Variants in DMD observed in about 807,000 individuals in gnomAD.
The protein encoded by DMD is mutant dystrophin.
Under a neutral mutation model 330.1 loss-of-function variants are expected in DMD, and 63 were observed. The observed-to-expected ratio is 0.19, with a 90% CI of 0.16 to 0.24. The LOEUF is 0.24. Among genes scored for constraint, DMD ranks in the 10% least tolerant of loss-of-function variants. DMD has a pLI of 1.00. For missense variants in DMD, 3,344 were observed against 2,684.1 expected (o/e 1.25, Z -5.43); for synonymous variants, 1,223 against 959.8 (o/e 1.27, Z -5.07).
intron 60 of DMD, among the ~76,000 whole-genome samples, chrX:31,425,695 T>TACACACAC (rs58343053): frequency 3.0e-4 from 31 of 103,600 alleles, no homozygotes; most frequent in African/African-American, 1.0e-3. Context: ...CAGGCATGAG[T>TACACACAC]ACACACACAC....
chrX:32,559,396 A>G (rs2050741423), intron 16 of DMD, among the ~76,000 whole-genome samples: 1 of 112,126 alleles, frequency 8.9e-6, no homozygotes, highest in Admixed American at 9.5e-5. Context: ...CAGATTTTAA[A>G]AAATTATTTT....
At chrX:32,431,344 A>G (rs1311564783) in intron 29 of DMD, among the ~76,000 whole-genome samples, 1 of 111,500 alleles carries the variant, frequency 9.0e-6, no homozygotes, top group Non-Finnish European at 1.9e-5. Flanking sequence ...CTTTTCATAT[A>G]TATGTTGGCC....
At chrX:33,035,678 G>C (rs1456013410) in intron 1 of DMD, among the ~76,000 whole-genome samples, 1 of 111,529 alleles carries the variant, frequency 9.0e-6, no homozygotes, top group Non-Finnish European at 1.9e-5. Context: ...TTTTTCTTTA[G>C]TTAGAGCAGC....
intron 44 of DMD, among the ~76,000 whole-genome samples, chrX:32,136,236 G>T (rs1325447562): frequency 8.9e-6 from 1 of 112,354 alleles, no homozygotes. Context: ...TTCAACTTCT[G>T]GTTCCCTCAG....
intron 55 of DMD, among the ~76,000 whole-genome samples, chrX:31,613,530 C>A (rs1226770699): frequency 9.0e-6 from 1 of 111,625 alleles, no homozygotes; most frequent in African/African-American, 3.3e-5. Context: ...GAACCTTGAG[C>A]AAACTGTAGA....
intron 7 of DMD, among the ~76,000 whole-genome samples, chrX:32,711,514 G>A (rs996890828): frequency 9.0e-6 from 1 of 111,607 alleles, no homozygotes; most frequent in Non-Finnish European, 1.9e-5. Flanking sequence ...ACATCCCATT[G>A]ACGGTTTTGG....
intron 34 of DMD, among the ~76,000 whole-genome samples, chrX:32,377,653 T>G (rs1409017587): frequency 9.0e-6 from 1 of 111,553 alleles, no homozygotes. Flanking sequence ...TACAGAAAAT[T>G]TTTTTCTGTA....
intron 11 of DMD, among the ~76,000 whole-genome samples, chrX:32,629,572 T>C (rs1170605669): frequency 5.4e-5 from 6 of 110,782 alleles, no homozygotes; most frequent in Non-Finnish European, 1.1e-4. Flanking sequence ...GCTATTTCCT[T>C]TCTGGTTGTT....
chrX:31,733,713 T>C (rs1415960452), intron 51 of DMD, among the ~76,000 whole-genome samples: 1 of 111,966 alleles, frequency 8.9e-6, no homozygotes, highest in Admixed American at 9.5e-5. Flanking sequence ...GTGAGGATGC[T>C]GTAATCTATC....
chrX:32,926,143 G>A (rs1439098803), intron 2 of DMD, among the ~76,000 whole-genome samples: 1 of 112,004 alleles, frequency 8.9e-6, no homozygotes, highest in Non-Finnish European at 1.9e-5. Context: ...TCTACCATTT[G>A]TGACAACATG....
chrX:32,960,117 A>G (rs1006782113), intron 2 of DMD: 3 of 112,184 alleles, frequency 2.7e-5, no homozygotes, highest in African/African-American at 9.7e-5. Flanking sequence ...CACGTGCATC[A>G]TCCAGCAACT....
At chrX:32,312,925 A>G (rs1352678620) in intron 41 of DMD, among the ~76,000 whole-genome samples, 1 of 89,303 alleles carries the variant, frequency 1.1e-5, no homozygotes, top group Non-Finnish European at 2.2e-5. Flanking sequence ...AAATTGAGGC[A>G]GTAATAGCCT....
intron 60 of DMD, among the ~76,000 whole-genome samples, chrX:31,350,973 C>T (rs1275434764): frequency 9.0e-6 from 1 of 110,664 alleles, no homozygotes; most frequent in Non-Finnish European, 1.9e-5. Context: ...TCTTCTCCTG[C>T]ACTTGCACTG....
At chrX:31,900,379 A>C (rs2094405560) in intron 47 of DMD, among the ~76,000 whole-genome samples, 1 of 110,652 alleles carries the variant, frequency 9.0e-6, no homozygotes, top group Non-Finnish European at 1.9e-5. Flanking sequence ...AAGTCTCATG[A>C]GATCTGATGG....
chrX:31,324,391 T>C (rs771442585), intron 61 of DMD, among the ~76,000 whole-genome samples: 23 of 96,848 alleles, frequency 2.4e-4, no homozygotes, highest in Admixed American at 1.2e-3. Flanking sequence ...GATCTTTGCA[T>C]TGTTTTTTTT....
intron 60 of DMD, among the ~76,000 whole-genome samples, chrX:31,361,687 T>G (rs1003641892): frequency 3.6e-5 from 4 of 111,487 alleles, no homozygotes; most frequent in Non-Finnish European, 7.5e-5. Context: ...GATTCAGAGA[T>G]TCCTGAGATT....
intron 62 of DMD, among the ~76,000 whole-genome samples, chrX:31,309,662 C>T (rs1603343319): frequency 8.9e-6 from 1 of 111,843 alleles, no homozygotes; most frequent in Non-Finnish European, 1.9e-5. Context: ...AAGTGCTGGG[C>T]ACAGATAGAA....
intron 45 of DMD, among the ~76,000 whole-genome samples, chrX:31,964,561 A>G (rs140046420): frequency 0.032 from 3,521 of 109,104 alleles, 54 homozygotes; most frequent in Non-Finnish European, 0.05. Context: ...GTAAAATATA[A>G]TGGTATTTAT....
Position 32,554,935 on chromosome X carries a change from AAGAAAGAGAGAG to A in DMD, c.1993-9613_1993-9602del, listed in dbSNP as rs2050112423. Among the ~76,000 whole-genome samples the A allele has an allele frequency of 1.1e-4, 3 of 28,287 alleles. No homozygotes were observed. In the African/African-American group the frequency reaches 1.1e-3, roughly 11 times the overall value. 24.6% of individuals were successfully genotyped at this position (28,287 alleles called of 115,157 possible). Reference sequence around the variant, plus strand: ...AAAGAAAGAAAGAAAGAAAGAAAGAAAGAAAGAGAGAGAGAGGGAGAGAGAAAGAAAGAGAGA... The same window carrying A: ...AAAGAAAGAAAGAAAGAAAGAAAGAAAGAGGGAGAGAGAAAGAAAGAGAGA... On this transcript the variant is annotated intron_variant, in intron 16 of 78. Transcript: ENST00000357033.
Sources: allele counts gnomAD v4.1 joint callset (sites outside exome capture counted in the v4.1 genomes callset), GRCh38; gene constraint gnomAD v4.1.1; transcripts MANE v1.5; gene names NCBI Gene and HGNC (gene_info 2026-07-23, HGNC 2026-07-21).